Variants in PIEZO2 observed in about 807,000 individuals in gnomAD.
PIEZO2 encodes piezo-type mechanosensitive ion channel component 2.
Under a neutral mutation model 337.3 loss-of-function variants are expected in PIEZO2, and 172 were observed. That is an observed-to-expected ratio of 0.51 (90% CI 0.45 to 0.58). The LOEUF is 0.58. Among genes scored for constraint, PIEZO2 ranks in the 20% least tolerant of loss-of-function variants. The probability of loss-of-function intolerance (pLI) is 0.00; values close to 1 mark genes in which losing one functional copy is unlikely to be tolerated. For synonymous variants in PIEZO2, 1,251 were observed against 1,228.5 expected (o/e 1.02, Z -0.38); for missense variants, 3,028 against 3,391.3 (o/e 0.89, Z 2.66).
intron 4 of PIEZO2, among the ~76,000 whole-genome samples, chr18:10,886,408 A>ATATATATG (rs2042600997): frequency 7.3e-5 from 1 of 13,756 alleles, no homozygotes; most frequent in African/African-American, 2.7e-4. Context: ...ATATATATAT[A>ATATATATG]TATATATATA....
intron 3 of PIEZO2, among the ~76,000 whole-genome samples, chr18:10,958,701 C>T (rs916605558): frequency 3.3e-5 from 5 of 152,050 alleles, no homozygotes; most frequent in Non-Finnish European, 7.4e-5. Context: ...AACAATAATG[C>T]CTGTCAGTTT....
At chr18:10,836,737 T>C (rs2041025857) in intron 7 of PIEZO2, among the ~76,000 whole-genome samples, 1 of 152,188 alleles carries the variant, frequency 6.6e-6, no homozygotes, top group Admixed American at 6.5e-5. Flanking sequence ...ATTGATGGCA[T>C]TGGCAAACAA....
At chr18:10,751,867 G>C (rs1438518569) in intron 28 of PIEZO2, among the ~76,000 whole-genome samples, 2 of 152,188 alleles carry the variant, frequency 1.3e-5, no homozygotes, top group African/African-American at 4.8e-5. Context: ...GTTGTGTCCT[G>C]ATAGGTTGAT....
At chr18:10,725,029 TG>T in intron 36 of PIEZO2, 1 of 1,582,714 alleles carries the variant, frequency 6.3e-7, no homozygotes, top group South Asian at 1.1e-5. Context: ...CAAGAGCCCC[TG>T]CATGTTGGTG....
At chr18:11,103,993 G>C (rs941947715) in intron 1 of PIEZO2, among the ~76,000 whole-genome samples, 2 of 152,108 alleles carry the variant, frequency 1.3e-5, no homozygotes, top group Non-Finnish European at 2.9e-5. Context: ...ACCCAGCTAA[G>C]TGGTCATATT....
chr18:10,736,110 A>G (rs1346647285), intron 34 of PIEZO2, among the ~76,000 whole-genome samples: 1 of 152,242 alleles, frequency 6.6e-6, no homozygotes, highest in Non-Finnish European at 1.5e-5. Context: ...ACATATTTTT[A>G]TTACTAGTTC....
At position 10,877,290 on chromosome 18, in the gene PIEZO2, C is replaced by T. The variant is rs1169533826; in HGVS notation, c.330-5875G>A. On this transcript the variant is annotated intron_variant, in intron 4 of 55. Transcript: ENST00000674853. The surrounding 1 kb of genome is among the most constrained non-coding windows in gnomAD (Gnocchi z 5.3). ...AGATCAATGAACATTTTCTAGCACA[C>T]CATTTCCCAAAAGCTGTTTCATGAA... Among the ~76,000 whole-genome samples, 1 of 152,210 alleles carries T rather than the reference C, an allele frequency of 6.6e-6. No homozygotes were observed. Among genetic ancestry groups the T allele is most frequent in the African/African-American group, 2.4e-5 (1 of 41,462 alleles).
Position 10,866,197 on chromosome 18 carries a change from A to C in PIEZO2, c.492+5056T>G, listed in dbSNP as rs191148413. On this transcript the variant is annotated intron_variant, in intron 5 of 55. Transcript: ENST00000674853. The stretch of plus-strand genomic sequence containing the variant: ...TTAGTTGATTTCCTCTTTGCGAATT[A>C]TTTAAATCATTTTTATTATGAGTTG... Among the ~76,000 whole-genome samples the C allele has an allele frequency of 1.5e-3, 221 of 152,178 alleles. 2 individuals carry two copies. The highest frequency in any genetic ancestry group is 4.4e-3 in the African/African-American group (181 of 41,548).
In PIEZO2 at chr18:10,729,303, C is replaced by G. The variant is rs147340313; in HGVS notation, c.5029+2104G>C. Among the ~76,000 whole-genome samples, 68 of 152,158 alleles carry G rather than the reference C, an allele frequency of 4.5e-4. No individual in the cohort carries two copies. In the Middle Eastern group the frequency reaches 0.01, roughly 23 times the overall value. Reference sequence around the variant, plus strand: ...TTTAATGCCTTTTATATTTCACAAGCCATCTATGGATACATTTCCTTTGTA... The same window carrying G: ...TTTAATGCCTTTTATATTTCACAAGGCATCTATGGATACATTTCCTTTGTA... On this transcript the variant is annotated intron_variant, in intron 36 of 55. Coordinates refer to ENST00000674853, the MANE Select transcript of PIEZO2 (RefSeq NM_001378183.1).
At position 10,809,260 on chromosome 18, in the gene PIEZO2, CTTTTTTTTTT is replaced by C. The variant is rs869210659; in HGVS notation, c.918-1996_918-1987del. 7.4e-3 allele frequency among the ~76,000 whole-genome samples: 484 copies of C among 65,826 alleles called. 5 individuals carry two copies. The highest frequency in any genetic ancestry group is 0.026 in the African/African-American group (442 of 16,996). 43.2% of individuals were successfully genotyped at this position (65,826 alleles called of 152,430 possible). ...ACCTAAGATTTCTCTCTCTCTCTCT[CTTTTTTTTTT>C]TTTTTTTTTTTTTTTTTTTGAGACA... On this transcript the variant is annotated intron_variant, in intron 7 of 55. Coordinates refer to ENST00000674853, the MANE Select transcript of PIEZO2 (RefSeq NM_001378183.1).
chr18:10,926,426 T>C (rs2031744397), intron 3 of PIEZO2, among the ~76,000 whole-genome samples: 1 of 152,198 alleles, frequency 6.6e-6, no homozygotes, highest in African/African-American at 2.4e-5. Context: ...TTTTGGTGAC[T>C]ATCTTAGCAG....
rs1281465096 is a variant in PIEZO2, at chr18:10,872,327, T to C, written c.330-912A>G. Among the ~76,000 whole-genome samples the C allele has an allele frequency of 6.6e-6, 1 of 151,892 alleles. No homozygotes were observed. The highest frequency in any genetic ancestry group is 1.5e-5 in the Non-Finnish European group (1 of 67,946). On this transcript the variant is annotated intron_variant, in intron 4 of 55. Transcript: ENST00000674853. This position sits in a 1 kb window ranked among gnomAD's most constrained non-coding sequence, Gnocchi z 4.3. ...AGGCAGCAAAGGCCAGAAGGTGAAG[T>C]GGAGAGTAGAAAGGGCTTCAACTGG...
rs36017707 is a variant in PIEZO2 at position 10,736,295 on chromosome 18, T to TCC, written c.4815+308_4815+309insGG. Among the ~76,000 whole-genome samples, 127,260 of 152,012 alleles carry TCC rather than the reference T, an allele frequency of 0.84. 53,799 individuals are homozygous for TCC. Among genetic ancestry groups the TCC allele is most frequent in the African/African-American group, 0.96 (39,872 of 41,542 alleles). On this transcript the variant is annotated intron_variant, in intron 34 of 55. Transcript: ENST00000674853. ...CAATGCCAGAGAAGTCTTTTTCACT[T>TCC]TGCTTGCAAGAAAAACATTGAGTTC...
rs867915851 is a variant in PIEZO2 at position 10,681,517 on chromosome 18, C to T, written c.7779+144G>A. On this transcript the variant is annotated intron_variant, in intron 51 of 55. Transcript: ENST00000674853. ...CTTAGATTATCAAAGTAGCCAGTGG[C>T]CAGGAATGTGCTCTATGTAACTGAT... The T allele has an allele frequency of 8.3e-6, 5 of 599,484 alleles. 1 individual carries two copies. The highest frequency in any genetic ancestry group is 5.5e-5 in the African/African-American group (3 of 54,186). 37.1% of individuals were successfully genotyped at this position (599,484 alleles called of 1,614,324 possible). A position where few individuals can be genotyped will look rare whatever the true frequency, so the allele number is the denominator to read the frequency against.
At chr18:10,879,684 C>A in intron 4 of PIEZO2, among the ~76,000 whole-genome samples, 1 of 152,126 alleles carries the variant, frequency 6.6e-6, no homozygotes, top group Non-Finnish European at 1.5e-5. Context: ...CGTGAGCCAC[C>A]GTGCCCAGCC....
Position 10,847,749 on chromosome 18 carries a change from T to C in PIEZO2, c.917+7604A>G, listed in dbSNP as rs2041411530. 6.6e-6 allele frequency among the ~76,000 whole-genome samples: 1 copy of C among 152,240 alleles called. No individual in the cohort carries two copies. The highest frequency in any genetic ancestry group is 2.4e-5 in the African/African-American group (1 of 41,462). ...GCATAAATGAACTCTGAATGAGACC[T>C]GTAGAATAAGTCACTTCATCATTAA... On this transcript the variant is annotated intron_variant, in intron 7 of 55. Coordinates refer to ENST00000674853, the MANE Select transcript of PIEZO2 (RefSeq NM_001378183.1). The surrounding 1 kb of genome is among the most constrained non-coding windows in gnomAD (Gnocchi z 5.7).
Position 11,111,464 on chromosome 18 carries a change from G to A in PIEZO2, c.64+37061C>T, listed in dbSNP as rs903558840. On this transcript the variant is annotated intron_variant, in intron 1 of 55. Coordinates refer to ENST00000674853, the MANE Select transcript of PIEZO2 (RefSeq NM_001378183.1). This position sits in a 1 kb window ranked among gnomAD's most constrained non-coding sequence, Gnocchi z 6.2. ...TGGCAAAACTAGGCTCACGTGGCAC[G>A]TGGCAACAATAGGCTGCCCCTTCTG... is the stretch of plus-strand genomic sequence containing the variant. Among the ~76,000 whole-genome samples the A allele has an allele frequency of 1.2e-4, 19 of 152,152 alleles. No homozygotes were observed. The highest frequency in any genetic ancestry group is 4.1e-4 in the South Asian group (2 of 4,822).
intron 7 of PIEZO2, among the ~76,000 whole-genome samples, chr18:10,844,681 C>G (rs181090036): frequency 6.7e-6 from 1 of 149,170 alleles, no homozygotes; most frequent in African/African-American, 2.5e-5. Context: ...CCCAGCTACT[C>G]GGGAGGCTGA....
At chr18:11,023,592 T>A (rs902833478) in intron 2 of PIEZO2, among the ~76,000 whole-genome samples, 2 of 152,246 alleles carry the variant, frequency 1.3e-5, no homozygotes, top group African/African-American at 4.8e-5. Context: ...CTTCACCCAG[T>A]GGATCCCGCA....
Sources: gnomAD v4.1 joint callset for allele counts (sites outside exome capture counted in the v4.1 genomes callset) on GRCh38, gnomAD v4.1.1 for gene constraint, Gnocchi (gnomAD v3.1) non-coding constraint, MANE v1.5 for transcripts, NCBI Gene and HGNC (gene_info 2026-07-23, HGNC 2026-07-21) for gene names.